CYTH1: variants seen among roughly 807,000 people sequenced by gnomAD.
CYTH1 encodes cytohesin 1, also known as cytohesin-1.
Under a neutral mutation model 61.8 loss-of-function variants are expected in CYTH1, and 18 were observed. The ratio of observed to expected loss-of-function variants is 0.29; its 90% confidence interval spans 0.20 to 0.43. The LOEUF (loss-of-function observed/expected upper bound fraction) is 0.43, where lower values mean the gene tolerates loss of function less well. Among genes scored for constraint, CYTH1 ranks in the 20% least tolerant of loss-of-function variants. The pLI, the probability that CYTH1 is intolerant of heterozygous loss-of-function variation, is 1.00. For synonymous variants in CYTH1, 174 were observed against 184.3 expected, an observed-to-expected ratio of 0.94 and a Z score of 0.45; for missense variants, 336 against 510.5, an observed-to-expected ratio of 0.66 and a Z score of 3.29.
intron 1 of CYTH1, among the ~76,000 whole-genome samples, chr17:78,776,532 G>A (rs1043676114): frequency 2.0e-5 from 3 of 151,700 alleles, no homozygotes; most frequent in South Asian, 2.1e-4. Context: ...GGTAGCACAC[G>A]CCTGTTGTCC....
intron 1 of CYTH1, among the ~76,000 whole-genome samples, chr17:78,768,313 TC>T (rs1302639061): frequency 3.3e-5 from 5 of 152,242 alleles, no homozygotes; most frequent in African/African-American, 1.2e-4. Flanking sequence ...ATCCTTGGAC[TC>T]CTCAATCAGC....
At chr17:78,722,815 C>T (rs1019600498) in intron 1 of CYTH1, among the ~76,000 whole-genome samples, 2 of 152,144 alleles carry the variant, frequency 1.3e-5, no homozygotes, top group African/African-American at 2.4e-5. Flanking sequence ...GAGGACTACT[C>T]GTGCCCAGGA....
intron 1 of CYTH1, among the ~76,000 whole-genome samples, chr17:78,767,180 C>T (rs751482133): frequency 1.3e-5 from 2 of 152,118 alleles, no homozygotes; most frequent in East Asian, 1.9e-4. Flanking sequence ...CTCAAAAGTA[C>T]GTCTCAGCCG....
At chr17:78,761,687 G>A (rs544189267) in intron 1 of CYTH1, among the ~76,000 whole-genome samples, 257 of 152,096 alleles carry the variant, frequency 1.7e-3, no homozygotes, top group Non-Finnish European at 2.5e-3. Flanking sequence ...GCAGTGAGAC[G>A]AGATCACGCC....
chr17:78,695,758 A>G (rs7215100), intron 10 of CYTH1, among the ~76,000 whole-genome samples: 21,794 of 152,226 alleles, frequency 0.14, 2,000 homozygotes, highest in Non-Finnish European at 0.21. Context: ...ACCCACTCTT[A>G]GTATGTTTTC....
intron 11 of CYTH1, 33 bp downstream of exon 11, chr17:78,692,384 C>T (rs758521237): frequency 6.2e-7 from 1 of 1,607,294 alleles, no homozygotes; most frequent in South Asian, 1.1e-5. Context: ...CCTTGCCCAT[C>T]CCTAGTCTGG....
chr17:78,736,785 G>A, intron 1 of CYTH1: 1 of 345,374 alleles, frequency 2.9e-6, no homozygotes, highest in Non-Finnish European at 6.2e-6. Context: ...TAACTTACTG[G>A]GAGCCAAGTT....
intron 10 of CYTH1, among the ~76,000 whole-genome samples, chr17:78,695,075 G>C (rs1250947531): frequency 6.6e-6 from 1 of 152,082 alleles, no homozygotes; most frequent in East Asian, 1.9e-4. Flanking sequence ...AGTCCCTGAA[G>C]CATCTCAGTA....
chr17:78,721,189 G>GCC (rs2093225463), intron 1 of CYTH1, among the ~76,000 whole-genome samples: 1 of 152,060 alleles, frequency 6.6e-6, no homozygotes, highest in Admixed American at 6.5e-5. Flanking sequence ...AATTAGCCAG[G>GCC]CGTGGTGGCA....
intron 10 of CYTH1, among the ~76,000 whole-genome samples, chr17:78,695,666 C>G (rs1290670779): frequency 6.6e-6 from 1 of 152,208 alleles, no homozygotes; most frequent in Non-Finnish European, 1.5e-5. Flanking sequence ...TAATGGACGT[C>G]AAATTGAATA....
At position 78,713,196 on chromosome 17, in the gene CYTH1, G is replaced by A. The variant is rs1051498343; in HGVS notation, c.23-3464C>T. On this transcript the variant is annotated intron_variant, in intron 1 of 13. Transcript: ENST00000446868. ...AAAACAACATCAACTCTACTGATGCGTACACCGTTCTACAGAAACGCATGT... is the reference window on the plus strand; with the variant it reads ...AAAACAACATCAACTCTACTGATGCATACACCGTTCTACAGAAACGCATGT... Among the ~76,000 whole-genome samples the A allele has an allele frequency of 3.3e-5, 5 of 152,020 alleles. No individual in the cohort carries two copies. In the East Asian group the frequency reaches 5.8e-4, roughly 18 times the overall value.
At chr17:78,681,885 GAA>G (rs1411370844) in intron 11 of CYTH1, among the ~76,000 whole-genome samples, 2 of 150,678 alleles carry the variant, frequency 1.3e-5, no homozygotes, top group Non-Finnish European at 2.9e-5. Context: ...CTCTAAAAGC[GAA>G]AAAGAGTCTT....
chr17:78,760,543 ATG>A (rs1491445675), intron 1 of CYTH1, among the ~76,000 whole-genome samples: 1 of 44,274 alleles, frequency 2.3e-5, no homozygotes, highest in East Asian at 4.6e-4. Flanking sequence ...ATACATATAT[ATG>A]TATATATATA....
chr17:78,688,623 C>A (rs906291124), intron 11 of CYTH1, among the ~76,000 whole-genome samples: 2 of 152,210 alleles, frequency 1.3e-5, no homozygotes, highest in African/African-American at 2.4e-5. Context: ...CGGTTAGACA[C>A]GAAGAATGAT....
At chr17:78,702,488 TA>T (rs780506158) in intron 4 of CYTH1, 49 bp downstream of exon 4, 5 of 1,591,352 alleles carry the variant, frequency 3.1e-6, no homozygotes, top group East Asian at 2.2e-5. Flanking sequence ...CTGAGCACTA[TA>T]AAAAAACCCC....
Position 78,676,182 on chromosome 17 carries a change from A to G in CYTH1, c.1119-13T>C. The G allele has an allele frequency of 6.2e-7, 1 of 1,600,592 alleles. No individual in the cohort carries two copies. ...GCTGATGGCTGCTCTGGAGCACAGA[A>G]AAGGGAGAAAACAGAGACGTGAGGG... On this transcript the variant is annotated splice_polypyrimidine_tract_variant and intron_variant, in intron 13 of 13. Transcript: ENST00000446868.
chr17:78,675,971 T>C lies in CYTH1; in HGVS notation c.*120A>G. 1 of 1,549,640 alleles carries C rather than the reference T, an allele frequency of 6.5e-7. No individual in the cohort carries two copies. The highest frequency in any genetic ancestry group is 8.7e-7 in the Non-Finnish European group (1 of 1,146,070). ...AATAGCAAAAGCTGAAGCTAGTCTC[T>C]AGGAATCCAGGGCGGGGCCTGGCAG... On this transcript the variant is annotated 3_prime_UTR_variant, in exon 14 of 14. Transcript: ENST00000446868.
chr17:78,776,731 C>A (rs1031838091), intron 1 of CYTH1, among the ~76,000 whole-genome samples: 2 of 148,758 alleles, frequency 1.3e-5, no homozygotes, highest in Admixed American at 1.3e-4. Flanking sequence ...TTAATTTTTA[C>A]GATTTTTTTC....
At position 78,702,210 on chromosome 17, in the gene CYTH1, G is replaced by C; in HGVS notation, c.268C>G (p.Leu90Val). 1 of 1,614,116 alleles carries C rather than the reference G, an allele frequency of 6.2e-7. No individual in the cohort carries two copies. Among genetic ancestry groups the C allele is most frequent in the Non-Finnish European group, 8.5e-7 (1 of 1,180,004 alleles). The change falls in exon 5 of 14, where the codon CTG becomes GTG. Residue 90 changes from leucine (L) to valine (V), a missense_variant. Leu to Val is a conservative substitution (Grantham distance 32). Transcript: ENST00000446868. ...GIQFLIENDLLKNTCEDIAQF... is the reference protein window; with the variant it reads ...GIQFLIENDLVKNTCEDIAQF... ...GCAATGTCTTCACAAGTGTTCTTCA[G>C]GAGGTCGTTCTCTATTAAGAACTGG...
Sources: allele counts gnomAD v4.1 joint callset (sites outside exome capture counted in the v4.1 genomes callset), GRCh38; gene constraint gnomAD v4.1.1; transcripts MANE v1.5; gene names NCBI Gene and HGNC (gene_info 2026-07-23, HGNC 2026-07-21).